The following CACNB1 variants were observed in gnomAD, a reference collection of about 807,000 sequenced individuals.
CACNB1 encodes calcium voltage-gated channel auxiliary subunit beta 1, also known as voltage-dependent L-type calcium channel subunit beta-1.
Under a neutral mutation model 71.6 loss-of-function variants are expected in CACNB1, and 29 were observed. That is an observed-to-expected ratio of 0.40 (90% CI 0.30 to 0.55). The LOEUF (loss-of-function observed/expected upper bound fraction) is 0.55, where lower values mean the gene tolerates loss of function less well. Among genes scored for constraint, CACNB1 ranks in the 20% least tolerant of loss-of-function variants. The probability of loss-of-function intolerance (pLI) is 0.38; values close to 1 mark genes in which losing one functional copy is unlikely to be tolerated. For missense variants in CACNB1, 623 were observed against 801.8 expected (o/e 0.78, Z 2.69); for synonymous variants, 300 against 319.6 (o/e 0.94, Z 0.65).
chr17:39,177,448 T>C lies in CACNB1; in HGVS notation c.1234A>G (p.Thr412Ala), dbSNP rs1365283226. 1.8e-5 allele frequency: 29 copies of C among 1,613,670 alleles called. No individual in the cohort carries two copies. The highest frequency in any genetic ancestry group is 2.4e-5 in the Non-Finnish European group (28 of 1,179,658). Residue 412 changes from threonine (T) to alanine (A), a missense_variant, in exon 13 of 14, where the codon ACA becomes GCA. By Grantham distance (58) the Thr-to-Ala change is moderately conservative. Transcript: ENST00000394303. ...GGTGGCGTGCTGCTGGGCGGGTGTG[T>C]GGCCTTCCAATAGGCTTCCAAGTAC... is the stretch of plus-strand genomic sequence containing the variant. Reference protein sequence around the residue: ...AEYLEAYWKATHPPSSTPPNP... With the variant: ...AEYLEAYWKAAHPPSSTPPNP...
In CACNB1 at chr17:39,186,618, G is replaced by C; in HGVS notation, c.552-46C>G. On this transcript the variant is annotated intron_variant, in intron 5 of 13. Coordinates refer to ENST00000394303, the MANE Select transcript of CACNB1 (RefSeq NM_000723.5). The surrounding 1 kb of genome is among the most constrained non-coding windows in gnomAD (Gnocchi z 4.1). ...CGAGCTTGTGAGCAAAGAGGTGGGC[G>C]TGGGGGGCTCTCATCCTCTCACATG... 1 of 1,559,692 alleles carries C rather than the reference G, an allele frequency of 6.4e-7. No individual in the cohort carries two copies. Among genetic ancestry groups the C allele is most frequent in the Non-Finnish European group, 8.8e-7 (1 of 1,133,690 alleles).
chr17:39,178,420 G>A (rs1395184969), intron 11 of CACNB1: 3 of 199,094 alleles, frequency 1.5e-5, no homozygotes, highest in Non-Finnish European at 3.0e-5. Flanking sequence ...ACTGGTTCTC[G>A]CTCTGTCACC....
chr17:39,186,435 G>T lies in CACNB1; in HGVS notation c.628+61C>A. ...CTGCAGGGAAAGGAGGATTCAGGGA[G>T]TGGGGAGACCACCCCACCCAGGAGC... On this transcript the variant is annotated intron_variant, in intron 6 of 13. Transcript: ENST00000394303. This position sits in a 1 kb window ranked among gnomAD's most constrained non-coding sequence, Gnocchi z 4.1. 2 of 1,256,148 alleles carry T rather than the reference G, an allele frequency of 1.6e-6. No individual in the cohort carries two copies. Among genetic ancestry groups the T allele is most frequent in the Non-Finnish European group, 2.3e-6 (2 of 876,116 alleles). 77.8% of individuals were successfully genotyped at this position (1,256,148 alleles called of 1,614,324 possible).
intron 13 of CACNB1, among the ~76,000 whole-genome samples, chr17:39,176,086 C>A (rs2045570985): frequency 6.6e-6 from 1 of 152,206 alleles, no homozygotes; most frequent in Admixed American, 6.5e-5. Flanking sequence ...CTCAAACCTG[C>A]TGACCCTGGC....
At chr17:39,177,149 A>T in intron 13 of CACNB1, 2 of 1,429,336 alleles carry the variant, frequency 1.4e-6, no homozygotes, top group Non-Finnish European at 1.8e-6. Context: ...CGCTCATCTT[A>T]TTTTTTTACA....
In CACNB1 at chr17:39,196,683, G is replaced by A. The variant is rs532223169; in HGVS notation, c.84+729C>T. Among the ~76,000 whole-genome samples, 22 of 152,066 alleles carry A rather than the reference G, an allele frequency of 1.4e-4. No individual in the cohort carries two copies. The South Asian group carries it at 4.6e-3, about 32-fold the overall frequency. On this transcript the variant is annotated intron_variant, in intron 1 of 13. Coordinates refer to ENST00000394303, the MANE Select transcript of CACNB1 (RefSeq NM_000723.5). ...ACCAGGGGTGTAGGAAAAGTGTGCG[G>A]GTGGGGATGGAGAAGTAGACCCCTC...
rs1369370170 is a variant in CACNB1, at chr17:39,177,341, C to A, written c.1332+9G>T. 1.2e-6 allele frequency: 2 copies of A among 1,612,736 alleles called. No individual in the cohort carries two copies. Among genetic ancestry groups the A allele is most frequent in the African/African-American group, 2.7e-5 (2 of 74,946 alleles). ...CGAGGTTTCTCCTGAGCGAGGTGAGCACCTGTACCTGGAGGTTGGAGACAG... is the reference window on the plus strand; with the variant it reads ...CGAGGTTTCTCCTGAGCGAGGTGAGAACCTGTACCTGGAGGTTGGAGACAG... On this transcript the variant is annotated intron_variant, in intron 13 of 13. Coordinates refer to ENST00000394303, the MANE Select transcript of CACNB1 (RefSeq NM_000723.5).
chr17:39,190,998 A>T (rs1597713374), intron 3 of CACNB1, among the ~76,000 whole-genome samples: 1 of 151,734 alleles, frequency 6.6e-6, no homozygotes, highest in South Asian at 2.1e-4. Context: ...AGGTCAGGAG[A>T]TCGAGACCAT....
At chr17:39,193,463 G>A (rs1281450533) in intron 2 of CACNB1, 7 of 453,560 alleles carry the variant, frequency 1.5e-5, no homozygotes, top group East Asian at 7.1e-5. Context: ...ACCACGGTCC[G>A]GCTGGGCGCC....
At chr17:39,185,100 G>A (rs1425445344) in intron 7 of CACNB1, 31 bp downstream of exon 7, 1 of 1,608,256 alleles carries the variant, frequency 6.2e-7, no homozygotes. Context: ...CAGGGAGTGG[G>A]GAGGAGGACA....
rs2045545212 is a variant in CACNB1, at chr17:39,175,213, G to C, written c.1777C>G (p.Arg593Gly). The change falls in exon 14 of 14, where the codon CGA becomes GGA. Residue 593 changes from arginine to glycine, a missense_variant. Arg to Gly is a moderately radical substitution (Grantham distance 125, BLOSUM62 -2). Transcript: ENST00000394303. This position sits in a 1 kb window ranked among gnomAD's most constrained non-coding sequence, Gnocchi z 4.7. ...GCCTCTCAGCGAATGTAGACGCCTC[G>C]TCCCCAGCCCTCCAGCTCATTCTTG... ...RNKNELEGWG[R>G]GVYIR is the part of the protein sequence containing the mutation. The C allele has an allele frequency of 3.7e-6, 6 of 1,612,406 alleles. No homozygotes were observed. Among genetic ancestry groups the C allele is most frequent in the African/African-American group, 1.3e-5 (1 of 74,808 alleles).
intron 11 of CACNB1, among the ~76,000 whole-genome samples, chr17:39,183,337 A>AAGAAG (rs1555581644): frequency 3.3e-4 from 43 of 130,296 alleles, no homozygotes; most frequent in African/African-American, 1.0e-3. Context: ...GACTTAAAAA[A>AAGAAG]AAGAAGAAGA....
intron 13 of CACNB1, among the ~76,000 whole-genome samples, chr17:39,176,645 GCTACAGT>G (rs1247309938): frequency 6.6e-6 from 1 of 152,184 alleles, no homozygotes; most frequent in Non-Finnish European, 1.5e-5. Context: ...AAATTTGAAA[GCTACAGT>G]CTAGAATGAT....
chr17:39,177,659 C>T, intron 12 of CACNB1, 124 bp from the exon 13 acceptor site: 1 of 757,000 alleles, frequency 1.3e-6, no homozygotes, highest in Non-Finnish European at 2.1e-6. Flanking sequence ...AAAGAGGCCT[C>T]TGGATGTAGA....
intron 11 of CACNB1, among the ~76,000 whole-genome samples, chr17:39,182,361 C>G (rs1431837547): frequency 6.8e-6 from 1 of 147,956 alleles, no homozygotes; most frequent in South Asian, 2.2e-4. Flanking sequence ...TCCAGGGAGC[C>G]CAGCTCATGG....
At chr17:39,181,756 C>T (rs562519187) in intron 11 of CACNB1, among the ~76,000 whole-genome samples, 8 of 152,308 alleles carry the variant, frequency 5.3e-5, no homozygotes, top group Admixed American at 5.2e-4. Flanking sequence ...GTGGCTCACG[C>T]CTGTAATCCC....
At chr17:39,177,087 G>T (rs2045597867) in intron 13 of CACNB1, 1 of 1,391,380 alleles carries the variant, frequency 7.2e-7, no homozygotes, top group Non-Finnish European at 9.3e-7. Context: ...GGCCCAGGAA[G>T]ACAGCACCAG....
chr17:39,191,888 A>C, intron 2 of CACNB1: 1 of 410,838 alleles, frequency 2.4e-6, no homozygotes. Flanking sequence ...TAGGGGCACA[A>C]GGCAAGGGAG....
intron 2 of CACNB1, 180 bp from the exon 3 acceptor site, chr17:39,191,773 G>A: frequency 1.7e-6 from 1 of 588,420 alleles, no homozygotes; most frequent in Non-Finnish European, 2.9e-6. Flanking sequence ...GATTTCTCAG[G>A]CCCCTGGGGA....
Sources: allele counts gnomAD v4.1 joint callset (sites outside exome capture counted in the v4.1 genomes callset), GRCh38; gene constraint gnomAD v4.1.1; non-coding constraint Gnocchi (gnomAD v3.1); transcripts MANE v1.5; gene names NCBI Gene and HGNC (gene_info 2026-07-23, HGNC 2026-07-21).